Variants in CCBE1 observed in about 807,000 individuals in gnomAD.
The protein encoded by CCBE1 is collagen and calcium binding EGF domains 1.
In CCBE1, 37 loss-of-function variants were observed where a neutral mutation model predicts 50.0. That is an observed-to-expected ratio of 0.74 (90% CI 0.57 to 0.97). The LOEUF (loss-of-function observed/expected upper bound fraction) is 0.97, where lower values mean the gene tolerates loss of function less well. CCBE1 is among the 50% of genes least tolerant of loss of function. The probability of loss-of-function intolerance (pLI) is 0.00; values close to 1 mark genes in which losing one functional copy is unlikely to be tolerated. For synonymous variants in CCBE1, 234 were observed against 203.7 expected (o/e 1.15, Z -1.27); for missense variants, 538 against 523.8 (o/e 1.03, Z -0.26).
intron 2 of CCBE1, among the ~76,000 whole-genome samples, chr18:59,620,993 G>A (rs2053703546): frequency 1.3e-5 from 2 of 152,176 alleles, no homozygotes; most frequent in African/African-American, 4.8e-5. Context: ...AAGACCATAG[G>A]AGGAGTGACA....
intron 2 of CCBE1, among the ~76,000 whole-genome samples, chr18:59,678,891 A>C (rs1438384897): frequency 2.0e-5 from 3 of 152,144 alleles, no homozygotes; most frequent in Non-Finnish European, 2.9e-5. Flanking sequence ...ATTTTGCTAC[A>C]AAAAAAATAG....
At chr18:59,475,037 T>G (rs1321376268) in intron 3 of CCBE1, among the ~76,000 whole-genome samples, 1 of 152,238 alleles carries the variant, frequency 6.6e-6, no homozygotes, top group Non-Finnish European at 1.5e-5. Context: ...TTTGTGCATT[T>G]TCTGGAGGAG....
chr18:59,546,784 T>G (rs1275982021), intron 2 of CCBE1, among the ~76,000 whole-genome samples: 1 of 152,184 alleles, frequency 6.6e-6, no homozygotes, highest in African/African-American at 2.4e-5. Flanking sequence ...AATATGTTAC[T>G]TCTAGGCTTT....
intron 2 of CCBE1, among the ~76,000 whole-genome samples, chr18:59,617,153 G>A (rs1322509985): frequency 6.6e-6 from 1 of 152,200 alleles, no homozygotes; most frequent in Non-Finnish European, 1.5e-5. Flanking sequence ...GAAGAGGGCA[G>A]TAATAACCAA....
At chr18:59,474,744 C>T (rs1304571925) in intron 3 of CCBE1, among the ~76,000 whole-genome samples, 1 of 152,216 alleles carries the variant, frequency 6.6e-6, no homozygotes, top group African/African-American at 2.4e-5. Context: ...CTGACTTCTT[C>T]TTAAACTTTT....
chr18:59,640,492 A>G (rs1028725159), intron 2 of CCBE1, among the ~76,000 whole-genome samples: 1 of 152,216 alleles, frequency 6.6e-6, no homozygotes, highest in Non-Finnish European at 1.5e-5. Flanking sequence ...AAGATGGATT[A>G]AAGACTTAAA....
intron 2 of CCBE1, among the ~76,000 whole-genome samples, chr18:59,569,357 A>G (rs1442037662): frequency 1.3e-5 from 2 of 152,224 alleles, no homozygotes; most frequent in African/African-American, 4.8e-5. Context: ...ATAAAAACAG[A>G]TATTTTGAGC....
intron 2 of CCBE1, among the ~76,000 whole-genome samples, chr18:59,610,811 C>T (rs2053558677): frequency 6.6e-6 from 1 of 152,240 alleles, no homozygotes. Flanking sequence ...ACAGAGCCAG[C>T]TAGCAAAGTG....
intron 2 of CCBE1, among the ~76,000 whole-genome samples, chr18:59,562,812 C>T (rs2144455781): frequency 6.6e-6 from 1 of 152,150 alleles, no homozygotes; most frequent in East Asian, 1.9e-4. Flanking sequence ...GGAAAGCCTC[C>T]CTCACATGTT....
At chr18:59,438,742 T>G (rs1329481612) in intron 9 of CCBE1, among the ~76,000 whole-genome samples, 2 of 152,206 alleles carry the variant, frequency 1.3e-5, no homozygotes, top group African/African-American at 4.8e-5. Context: ...TGTTCCCAGC[T>G]TTGGGGAAAA....
intron 2 of CCBE1, among the ~76,000 whole-genome samples, chr18:59,512,560 G>A (rs12957314): frequency 0.18 from 27,854 of 152,290 alleles, 3,001 homozygotes; most frequent in Non-Finnish European, 0.24. Flanking sequence ...TGCTGGCCAC[G>A]TGCCATTCCC....
Position 59,435,575 on chromosome 18 carries a change from C to G in CCBE1, c.*333G>C, listed in dbSNP as rs1910112378. 2.9e-6 allele frequency: 1 copy of G among 341,434 alleles called. No homozygotes were observed. Among genetic ancestry groups the G allele is most frequent in the Non-Finnish European group, 5.5e-6 (1 of 181,208 alleles). 21.2% of individuals were successfully genotyped at this position (341,434 alleles called of 1,614,324 possible). ...TTTGATACTCTGCCAAATTTAACTT[C>G]AAGAATTTATGATTTAAGACACTGT... is the stretch of plus-strand genomic sequence containing the variant. On this transcript the variant is annotated 3_prime_UTR_variant, in exon 11 of 11. Coordinates refer to ENST00000439986, the MANE Select transcript of CCBE1 (RefSeq NM_133459.4).
chr18:59,563,145 C>G (rs371134441), intron 2 of CCBE1, among the ~76,000 whole-genome samples: 58 of 152,304 alleles, frequency 3.8e-4, no homozygotes, highest in African/African-American at 1.4e-3. Context: ...CAAATGGCAA[C>G]TGCAGAGGTA....
Position 59,450,085 on chromosome 18 carries a change from G to A in CCBE1, c.655-1982C>T, listed in dbSNP as rs527548776. Among the ~76,000 whole-genome samples, 23 of 152,262 alleles carry A rather than the reference G, an allele frequency of 1.5e-4. No homozygotes were observed. The South Asian group carries it at 4.8e-3, about 32-fold the overall frequency. ...CTGTGGGATGCCAGGAGTTTGGGAGGAAGGTTGTAGTAATGTAAAAAGAGT... is the reference window on the plus strand; with the variant it reads ...CTGTGGGATGCCAGGAGTTTGGGAGAAAGGTTGTAGTAATGTAAAAAGAGT... On this transcript the variant is annotated intron_variant, in intron 6 of 10. Coordinates refer to ENST00000439986, the MANE Select transcript of CCBE1 (RefSeq NM_133459.4).
At chr18:59,494,235 C>T (rs1913242706) in intron 2 of CCBE1, among the ~76,000 whole-genome samples, 1 of 152,184 alleles carries the variant, frequency 6.6e-6, no homozygotes, top group Admixed American at 6.5e-5. Context: ...GAAAGATATA[C>T]ATAAGGGGCA....
intron 2 of CCBE1, among the ~76,000 whole-genome samples, chr18:59,527,148 G>T (rs1914858338): frequency 6.6e-6 from 1 of 152,192 alleles, no homozygotes; most frequent in African/African-American, 2.4e-5. Context: ...TCTCCTTGTA[G>T]TTCTCTAAGA....
intron 5 of CCBE1, among the ~76,000 whole-genome samples, chr18:59,464,735 C>T (rs1250790422): frequency 2.6e-5 from 4 of 152,228 alleles, no homozygotes; most frequent in Admixed American, 2.0e-4. Flanking sequence ...TGCCAGGCAG[C>T]GGAAGCTGGT....
intron 2 of CCBE1, among the ~76,000 whole-genome samples, chr18:59,486,602 C>A (rs1435158490): frequency 4.6e-5 from 7 of 152,172 alleles, no homozygotes; most frequent in Admixed American, 4.6e-4. Context: ...AACTTCATAC[C>A]TGGGAGGCTC....
At chr18:59,657,156 T>C (rs1364172516) in intron 2 of CCBE1, among the ~76,000 whole-genome samples, 1 of 152,206 alleles carries the variant, frequency 6.6e-6, no homozygotes, top group Non-Finnish European at 1.5e-5. Flanking sequence ...TGCATGCGTA[T>C]GCTACAACAA....
Sources: allele counts gnomAD v4.1 joint callset (sites outside exome capture counted in the v4.1 genomes callset), GRCh38; gene constraint gnomAD v4.1.1; transcripts MANE v1.5; gene names NCBI Gene and HGNC (gene_info 2026-07-23, HGNC 2026-07-21).